CMC1: variants seen among roughly 807,000 people sequenced by gnomAD.
CMC1 encodes the protein C-X9-C motif containing 1, also known as COX assembly mitochondrial protein homolog.
CMC1 carries 14 observed loss-of-function variants against 14.1 expected under a neutral mutation model. That is an observed-to-expected ratio of 0.99 (90% CI 0.66 to 1.55). The LOEUF (loss-of-function observed/expected upper bound fraction) is 1.55, where lower values mean the gene tolerates loss of function less well. CMC1 is among the 40% of genes most tolerant of loss of function. The probability of loss-of-function intolerance (pLI) is 0.00; values close to 1 mark genes in which losing one functional copy is unlikely to be tolerated. For missense variants in CMC1, 127 were observed against 123.8 expected, an observed-to-expected ratio of 1.03 and a Z score of -0.12; for synonymous variants, 50 against 38.4, an observed-to-expected ratio of 1.30 and a Z score of -1.12.
At chr3:28,265,099 A>G (rs1241817438) in intron 2 of CMC1, among the ~76,000 whole-genome samples, 1 of 152,112 alleles carries the variant, frequency 6.6e-6, no homozygotes, top group Non-Finnish European at 1.5e-5. Flanking sequence ...TAGGATGTTG[A>G]CGTAGTTAAG....
intron 1 of CMC1, among the ~76,000 whole-genome samples, chr3:28,247,505 G>GT (rs1441736281): frequency 2.0e-5 from 3 of 152,142 alleles, no homozygotes; most frequent in Non-Finnish European, 2.9e-5. Context: ...GGTTACTGTA[G>GT]TAGTTGGGAG....
At position 28,241,739 on chromosome 3, in the gene CMC1, C is replaced by T; in HGVS notation, c.-55C>T. ...AGCCCAAGCCCCTCCCCTCCACTCC[C>T]CTTCCTGCGTGCCCCGGAGCCGCCA... On this transcript the variant is annotated 5_prime_UTR_variant, in exon 1 of 4. Transcript: ENST00000466830. 1 of 1,241,850 alleles carries T rather than the reference C, an allele frequency of 8.1e-7. No homozygotes were observed. The highest frequency in any genetic ancestry group is 1.0e-6 in the Non-Finnish European group (1 of 988,060). The allele number at this position is 1,241,850 out of a possible 1,614,324, so 76.9% of individuals were successfully genotyped here.
intron 2 of CMC1, among the ~76,000 whole-genome samples, chr3:28,304,569 C>T (rs1702214632): frequency 6.6e-6 from 1 of 152,096 alleles, no homozygotes; most frequent in Non-Finnish European, 1.5e-5. Context: ...GATTTTCACT[C>T]ATCTTAGTAG....
rs1400656792 is a variant in CMC1 at position 28,322,626 on chromosome 3, A to T, written c.*2997A>T. 1 of 151,590 alleles carries T rather than the reference A, an allele frequency of 6.6e-6. No individual in the cohort carries two copies. The highest frequency in any genetic ancestry group is 1.5e-5 in the Non-Finnish European group (1 of 67,420). 9.4% of individuals were successfully genotyped at this position (151,590 alleles called of 1,614,324 possible). A position where few individuals can be genotyped will look rare whatever the true frequency, so the allele number is the denominator to read the frequency against. On this transcript the variant is annotated 3_prime_UTR_variant, in exon 4 of 4. Coordinates refer to ENST00000466830, the MANE Select transcript of CMC1 (RefSeq NM_182523.2). ...CTGGAGTATTGTATTTCTTTTATGC[A>T]TATTGGGTTTGGTTCTATTACTTGG...
At chr3:28,253,412 A>G (rs1699233232) in intron 1 of CMC1, among the ~76,000 whole-genome samples, 2 of 152,228 alleles carry the variant, frequency 1.3e-5, no homozygotes, top group East Asian at 1.9e-4. Flanking sequence ...TCCCATCTCT[A>G]TAAAGTACAC....
intron 1 of CMC1, among the ~76,000 whole-genome samples, chr3:28,253,970 A>T (rs1036449940): frequency 6.6e-6 from 1 of 152,236 alleles, no homozygotes; most frequent in African/African-American, 2.4e-5. Flanking sequence ...CAGTAGCCTT[A>T]TAATCTAGCA....
chr3:28,282,161 T>C (rs1321527675), intron 2 of CMC1, among the ~76,000 whole-genome samples: 1 of 152,236 alleles, frequency 6.6e-6, no homozygotes, highest in Non-Finnish European at 1.5e-5. Context: ...AGATTAATTT[T>C]ACCACCAAAT....
intron 2 of CMC1, among the ~76,000 whole-genome samples, chr3:28,278,264 G>T (rs1054520599): frequency 9.2e-5 from 14 of 152,196 alleles, no homozygotes; most frequent in African/African-American, 3.4e-4. Context: ...AGAAGACTGT[G>T]TGTGGAGAAA....
At chr3:28,289,263 A>T (rs548656371) in intron 2 of CMC1, among the ~76,000 whole-genome samples, 1 of 152,068 alleles carries the variant, frequency 6.6e-6, no homozygotes, top group South Asian at 2.1e-4. Flanking sequence ...AATTTTGTGT[A>T]GCAAATAAAC....
chr3:28,292,266 T>G (rs150400443), intron 2 of CMC1, among the ~76,000 whole-genome samples: 6 of 152,238 alleles, frequency 3.9e-5, no homozygotes, highest in Non-Finnish European at 5.9e-5. Flanking sequence ...TTTAAAACTC[T>G]GTTTATCTTA....
chr3:28,242,849 G>A (rs1266866177), intron 1 of CMC1, among the ~76,000 whole-genome samples: 1 of 152,116 alleles, frequency 6.6e-6, no homozygotes, highest in African/African-American at 2.4e-5. Flanking sequence ...GTTAGCAGTT[G>A]ATCTGGGCTT....
intron 2 of CMC1, among the ~76,000 whole-genome samples, chr3:28,263,690 A>G (rs188649539): frequency 1.0e-3 from 154 of 152,250 alleles, no homozygotes; most frequent in Non-Finnish European, 1.7e-3. Context: ...TACGATTTTT[A>G]TAGGGGAGGA....
intron 2 of CMC1, among the ~76,000 whole-genome samples, chr3:28,287,330 G>A (rs1701238080): frequency 6.6e-6 from 1 of 152,076 alleles, no homozygotes; most frequent in Non-Finnish European, 1.5e-5. Flanking sequence ...AATGGCTACT[G>A]GCTCTCTAGT....
At chr3:28,301,886 TCCCCCATCAACACACACCAA>T (rs1702067146) in intron 2 of CMC1, among the ~76,000 whole-genome samples, 1 of 150,580 alleles carries the variant, frequency 6.6e-6, no homozygotes, top group Admixed American at 6.6e-5. Flanking sequence ...AGTACTCCCA[TCCCCCATCAACACACACCAA>T]CCCCCATCAA....
At chr3:28,304,350 A>G (rs532547867) in intron 2 of CMC1, among the ~76,000 whole-genome samples, 20 of 152,108 alleles carry the variant, frequency 1.3e-4, no homozygotes, top group Non-Finnish European at 2.5e-4. Flanking sequence ...AATAGTCCCC[A>G]AAGATGTCTC....
At chr3:28,300,762 T>C (rs1159223521) in intron 2 of CMC1, among the ~76,000 whole-genome samples, 1 of 149,684 alleles carries the variant, frequency 6.7e-6, no homozygotes, top group Non-Finnish European at 1.5e-5. Context: ...TCCTTTTTTT[T>C]TCATAATATT....
chr3:28,244,070 A>G (rs1340218036), intron 1 of CMC1, among the ~76,000 whole-genome samples: 2 of 152,192 alleles, frequency 1.3e-5, no homozygotes, highest in East Asian at 3.8e-4. Context: ...AAGGAAAGAT[A>G]TTGGGAAAGT....
chr3:28,244,765 T>C (rs1300196769), intron 1 of CMC1, among the ~76,000 whole-genome samples: 11 of 152,026 alleles, frequency 7.2e-5, no homozygotes, highest in African/African-American at 2.4e-4. Flanking sequence ...ATTCCAGTTT[T>C]TGTACGTCAG....
At chr3:28,251,637 G>C (rs1031998968) in intron 1 of CMC1, among the ~76,000 whole-genome samples, 5 of 152,118 alleles carry the variant, frequency 3.3e-5, no homozygotes, top group African/African-American at 1.2e-4. Context: ...CTGAGTCTTT[G>C]AAATAAGTGA....
Sources: gnomAD v4.1 joint callset for allele counts (sites outside exome capture counted in the v4.1 genomes callset) on GRCh38, gnomAD v4.1.1 for gene constraint, MANE v1.5 for transcripts, NCBI Gene and HGNC (gene_info 2026-07-23, HGNC 2026-07-21) for gene names.